CDR2: variants seen among roughly 807,000 people sequenced by gnomAD.
The protein encoded by CDR2 is cerebellar degeneration-related protein 2.
CDR2 carries 34 observed loss-of-function variants against 48.4 expected under a neutral mutation model. The ratio of observed to expected loss-of-function variants is 0.70; its 90% CI spans 0.53 to 0.94. The LOEUF (loss-of-function observed/expected upper bound fraction) is 0.94. Ranked by LOEUF, CDR2 falls within the 40% of genes least tolerant of loss-of-function variation. The pLI is 0.00. For synonymous variants in CDR2, 240 were observed against 219.7 expected (o/e 1.09, Z -0.82); for missense variants, 498 against 549.5 (o/e 0.91, Z 0.94).
In CDR2 at chr16:22,347,177, C is replaced by T. The variant is rs1435718498; in HGVS notation, c.1153G>A (p.Ala385Thr). 1 of 1,614,234 alleles carries T rather than the reference C, an allele frequency of 6.2e-7. No homozygotes were observed. The change falls in exon 5 of 5, where the codon GCA becomes ACA. Residue 385 changes from alanine (A) to threonine (T), a missense_variant. Physicochemically the swap from Ala to Thr is moderately conservative, Grantham distance 58. Coordinates refer to ENST00000268383, the MANE Select transcript of CDR2 (RefSeq NM_001802.2). ...TTCACTCCAGTCAGGTCCTTGGCTG[C>T]AGCCCTGGAGGTCTGCACAGCCTTG... ...SHKAVQTSRA[A>T]AKDLTGVNAQ...
At chr16:22,350,906 C>G (rs532826322) in intron 2 of CDR2, among the ~76,000 whole-genome samples, 1 of 152,260 alleles carries the variant, frequency 6.6e-6, no homozygotes, top group Non-Finnish European at 1.5e-5. Flanking sequence ...ACTCTAAGTT[C>G]TAGGGTACAT....
intron 2 of CDR2, among the ~76,000 whole-genome samples, chr16:22,359,247 C>T (rs543830416): frequency 3.3e-5 from 5 of 152,244 alleles, no homozygotes; most frequent in African/African-American, 1.2e-4. Flanking sequence ...CTGCCTCAGC[C>T]TCCTGAGTAG....
chr16:22,373,361 T>C (rs753506627), intron 1 of CDR2, among the ~76,000 whole-genome samples: 3 of 152,184 alleles, frequency 2.0e-5, no homozygotes, highest in Admixed American at 6.5e-5. Context: ...GTCGTTTCAA[T>C]TGGCATCTGG....
chr16:22,369,806 T>A (rs912757178), intron 1 of CDR2, among the ~76,000 whole-genome samples: 1 of 151,528 alleles, frequency 6.6e-6, no homozygotes, highest in Non-Finnish European at 1.5e-5. Flanking sequence ...GTGGAGGGAA[T>A]AGAATATTGA....
chr16:22,362,949 T>C (rs1334943167), intron 2 of CDR2, among the ~76,000 whole-genome samples: 2 of 151,080 alleles, frequency 1.3e-5, no homozygotes, highest in Admixed American at 1.3e-4. Flanking sequence ...AACTCTACAG[T>C]AGGTCTTTTT....
At chr16:22,367,940 G>C (rs886540486) in intron 1 of CDR2, among the ~76,000 whole-genome samples, 14 of 152,154 alleles carry the variant, frequency 9.2e-5, no homozygotes, top group African/African-American at 3.4e-4. Flanking sequence ...AGACTTTAGA[G>C]GCCAGGTGCA....
Position 22,374,247 on chromosome 16 carries a change from G to A in CDR2, c.63C>T (p.His21=), listed in dbSNP as rs781119564. ...EMKEDEPWYD[H]QDLQQDLQLA... is the part of the protein sequence containing the mutation. ...CGCCCTCACCTTGCTGGAGGTCCTG[G>A]TGGTCGTACCACGGCTCGTCCTCCT... The change falls in exon 1 of 5, where the codon CAC becomes CAT. Residue 21 remains histidine, a synonymous_variant. Transcript: ENST00000268383. 14 of 1,601,684 alleles carry A rather than the reference G, an allele frequency of 8.7e-6. No individual in the cohort carries two copies. The Admixed American group carries it at 1.9e-4, about 21-fold the overall frequency.
At chr16:22,372,178 T>C (rs1247332562) in intron 1 of CDR2, among the ~76,000 whole-genome samples, 1 of 151,512 alleles carries the variant, frequency 6.6e-6, no homozygotes, top group Non-Finnish European at 1.5e-5. Flanking sequence ...CCCAGACCTG[T>C]GTTTTTAAGG....
chr16:22,345,947 A>T lies in CDR2; in HGVS notation c.*1018T>A, dbSNP rs2048901220. The T allele has an allele frequency of 6.5e-6, 1 of 152,674 alleles. No individual in the cohort carries two copies. The highest frequency in any genetic ancestry group is 6.5e-5 in the Admixed American group (1 of 15,284). 9.5% of individuals were successfully genotyped at this position (152,674 alleles called of 1,614,324 possible). ...CACAGATCCATCTGTTCATTTTCATAGGTAGCTTTATTTGGTTTTTAGAAA... is the reference window on the plus strand; with the variant it reads ...CACAGATCCATCTGTTCATTTTCATTGGTAGCTTTATTTGGTTTTTAGAAA... On this transcript the variant is annotated 3_prime_UTR_variant, in exon 5 of 5. Coordinates refer to ENST00000268383, the MANE Select transcript of CDR2 (RefSeq NM_001802.2).
intron 2 of CDR2, among the ~76,000 whole-genome samples, chr16:22,362,295 G>C (rs913535596): frequency 3.3e-5 from 5 of 152,156 alleles, no homozygotes; most frequent in African/African-American, 1.2e-4. Flanking sequence ...AGATAATAAA[G>C]TGTTATTTGT....
At chr16:22,365,050 G>A (rs367589574) in intron 1 of CDR2, 36 bp from the exon 2 acceptor site, 29 of 1,296,752 alleles carry the variant, frequency 2.2e-5, no homozygotes, top group Admixed American at 2.2e-4. Context: ...TAATACAAAT[G>A]ATCTCACATC....
intron 4 of CDR2, among the ~76,000 whole-genome samples, chr16:22,348,238 A>G (rs565640741): frequency 1.4e-4 from 21 of 152,312 alleles, no homozygotes; most frequent in African/African-American, 4.8e-4. Flanking sequence ...CACCCGGCCA[A>G]CAGTGATTGG....
intron 2 of CDR2, among the ~76,000 whole-genome samples, chr16:22,360,825 C>T (rs2049006602): frequency 7.1e-6 from 1 of 140,780 alleles, no homozygotes; most frequent in African/African-American, 2.6e-5. Context: ...TCTCGGCTCA[C>T]TGTGACCTCC....
chr16:22,364,312 C>T (rs183685766), intron 2 of CDR2, among the ~76,000 whole-genome samples: 1 of 152,144 alleles, frequency 6.6e-6, no homozygotes, highest in Admixed American at 6.6e-5. Context: ...AGAGAGAAAG[C>T]AACATGTATT....
At chr16:22,361,051 G>A (rs1203967770) in intron 2 of CDR2, among the ~76,000 whole-genome samples, 5 of 152,106 alleles carry the variant, frequency 3.3e-5, no homozygotes, top group Non-Finnish European at 1.5e-5. Flanking sequence ...GCCAAGCTGT[G>A]TATTACTTTG....
At chr16:22,363,504 T>C (rs1377351932) in intron 2 of CDR2, among the ~76,000 whole-genome samples, 2 of 152,222 alleles carry the variant, frequency 1.3e-5, no homozygotes, top group Non-Finnish European at 2.9e-5. Context: ...AGTTTAAAAC[T>C]GTATGATGTG....
At chr16:22,356,939 T>G (rs1186578752) in intron 2 of CDR2, among the ~76,000 whole-genome samples, 7 of 61,510 alleles carry the variant, frequency 1.1e-4, no homozygotes, top group Non-Finnish European at 2.0e-4. Context: ...AGACTCCATC[T>G]CAAAAAAAAA....
At chr16:22,368,840 C>T (rs1359019965) in intron 1 of CDR2, 1 of 152,184 alleles carries the variant, frequency 6.6e-6, no homozygotes, top group Non-Finnish European at 1.5e-5. Context: ...TAGAGTTCAA[C>T]TATTTGGGTT....
rs1275186708 is a variant in CDR2 at position 22,347,495 on chromosome 16, G to A, written c.835C>T (p.Leu279=). 4 of 1,613,934 alleles carry A rather than the reference G, an allele frequency of 2.5e-6. No homozygotes were observed. Among genetic ancestry groups the A allele is most frequent in the Non-Finnish European group, 3.4e-6 (4 of 1,180,040 alleles). The part of the protein sequence containing the change: ...NGVEKLVPDS[L]YVPFKEPSQS... ...CTGGGCTCTTTGAAAGGAACATACA[G>A]AGAGTCTGGCACCAGCTTCTCAACT... Residue 279 remains leucine, a synonymous_variant, in exon 5 of 5, where the codon CTG becomes TTG. Coordinates refer to ENST00000268383, the MANE Select transcript of CDR2 (RefSeq NM_001802.2).
Sources: gnomAD v4.1 joint callset for allele counts (sites outside exome capture counted in the v4.1 genomes callset) on GRCh38, gnomAD v4.1.1 for gene constraint, MANE v1.5 for transcripts, NCBI Gene and HGNC (gene_info 2026-07-23, HGNC 2026-07-21) for gene names.